The following CADPS variants were observed in gnomAD, a reference collection of about 807,000 sequenced individuals.
CADPS encodes the protein calcium-dependent secretion activator 1.
A neutral mutation model predicts 167.3 loss-of-function variants in CADPS; 57 were observed. The observed-to-expected ratio is 0.34, with a 90% CI of 0.28 to 0.42. CADPS has a LOEUF of 0.42. CADPS is among the 20% of genes least tolerant of loss of function. The pLI, the probability that CADPS is intolerant of heterozygous loss-of-function variation, is 1.00. For missense variants in CADPS, 1,414 were observed against 1,738.1 expected, an observed-to-expected ratio of 0.81 and a Z score of 3.32; for synonymous variants, 676 against 635.3, an observed-to-expected ratio of 1.06 and a Z score of -0.96.
chr3:62,637,891 G>C (rs755006667), intron 6 of CADPS, among the ~76,000 whole-genome samples: 2 of 152,008 alleles, frequency 1.3e-5, no homozygotes, highest in Non-Finnish European at 2.9e-5. Flanking sequence ...TAAATAAAAT[G>C]ATGACTGTGA....
intron 26 of CADPS, among the ~76,000 whole-genome samples, chr3:62,452,945 T>C (rs552145396): frequency 1.3e-5 from 2 of 151,746 alleles, no homozygotes; most frequent in East Asian, 3.9e-4. Flanking sequence ...GAGACCTCAG[T>C]TTCTACAAAA....
rs1162606599 is a variant in CADPS at position 62,466,359 on chromosome 3, T to C, written c.3532A>G (p.Ile1178Val). The C allele has an allele frequency of 1.2e-6, 2 of 1,611,736 alleles. No homozygotes were observed. Among genetic ancestry groups the C allele is most frequent in the East Asian group, 2.2e-5 (1 of 44,842 alleles). Reference sequence around the variant, plus strand: ...GTTACCTTTGCAACCAAGAGTGTTATCATTTCTTTAACAGTTTCTTCAATT... The same window carrying C: ...GTTACCTTTGCAACCAAGAGTGTTACCATTTCTTTAACAGTTTCTTCAATT... ...ELIEETVKEM[I>V]TLLVAKFVTI... Residue 1178 changes from isoleucine (I) to valine (V), a missense_variant, in exon 25 of 30, where the codon ATA (isoleucine) becomes GTA (valine). Around this residue, in one of 6 missense-constraint regions of CADPS, gnomAD observed 185 missense variants for 251.5 expected, o/e 0.74. Transcript: ENST00000383710.
At chr3:62,752,793 A>C (rs2082984671) in intron 3 of CADPS, among the ~76,000 whole-genome samples, 1 of 152,256 alleles carries the variant, frequency 6.6e-6, no homozygotes, top group Non-Finnish European at 1.5e-5. Flanking sequence ...ACTGCAAAAT[A>C]GGCACGTAAT....
chr3:62,727,287 T>C (rs1251702868), intron 3 of CADPS, among the ~76,000 whole-genome samples: 1 of 151,896 alleles, frequency 6.6e-6, no homozygotes, highest in Non-Finnish European at 1.5e-5. Context: ...TACTGTTACC[T>C]GCAACAATAT....
chr3:62,556,329 C>T (rs1468285590), intron 10 of CADPS, among the ~76,000 whole-genome samples: 4 of 152,196 alleles, frequency 2.6e-5, no homozygotes, highest in East Asian at 3.9e-4. Context: ...GAAGGGGTGG[C>T]GCTGGGCCCA....
intron 1 of CADPS, chr3:62,779,297 T>A: frequency 2.7e-6 from 1 of 373,824 alleles, no homozygotes; most frequent in Non-Finnish European, 5.4e-6. Flanking sequence ...AACTTCTGGG[T>A]TGCAGCCTTC....
intron 8 of CADPS, among the ~76,000 whole-genome samples, chr3:62,577,751 G>A (rs2082572434): frequency 6.6e-6 from 1 of 152,150 alleles, no homozygotes; most frequent in Admixed American, 6.5e-5. Context: ...TCTGCTTTAC[G>A]TTGAGCAAAA....
chr3:62,662,291 A>C, intron 4 of CADPS, 23 bp downstream of exon 4: 2 of 1,606,922 alleles, frequency 1.2e-6, no homozygotes, highest in Non-Finnish European at 1.7e-6. Flanking sequence ...GGACCCCAGC[A>C]AACAACCACA....
intron 1 of CADPS, among the ~76,000 whole-genome samples, chr3:62,773,649 T>C (rs2089506436): frequency 6.6e-6 from 1 of 152,192 alleles, no homozygotes; most frequent in East Asian, 1.9e-4. Flanking sequence ...ATCAAATCAC[T>C]TTCTTCTAAG....
At chr3:62,492,538 T>C in intron 19 of CADPS, 92 bp from the exon 20 acceptor site, 1 of 1,206,176 alleles carries the variant, frequency 8.3e-7, no homozygotes, top group Middle Eastern at 2.0e-4. Flanking sequence ...CTGTTCAAAA[T>C]TAATGGTGCA....
chr3:62,676,538 C>T (rs2175527), intron 3 of CADPS, among the ~76,000 whole-genome samples: 117,684 of 152,084 alleles, frequency 0.77, 45,791 homozygotes, highest in East Asian at 0.96. Context: ...TCTAAAAGTA[C>T]AGGGTTTGGG....
intron 1 of CADPS, among the ~76,000 whole-genome samples, chr3:62,785,159 TTAAAC>T (rs1399041599): frequency 6.6e-6 from 1 of 152,162 alleles, no homozygotes; most frequent in Non-Finnish European, 1.5e-5. Flanking sequence ...AGAGGGTTAG[TTAAAC>T]TAACCTCTCT....
intron 1 of CADPS, among the ~76,000 whole-genome samples, chr3:62,791,943 T>G (rs930992264): frequency 2.0e-5 from 3 of 152,170 alleles, no homozygotes; most frequent in African/African-American, 7.2e-5. Flanking sequence ...TGCTGTTGTT[T>G]TACTTATCAA....
At chr3:62,557,835 C>T (rs1577756419) in intron 9 of CADPS, among the ~76,000 whole-genome samples, 3 of 152,266 alleles carry the variant, frequency 2.0e-5, no homozygotes, top group Non-Finnish European at 2.9e-5. Flanking sequence ...ATCATTATTG[C>T]TTTTAATATA....
At chr3:62,456,610 C>T (rs1448221734) in intron 26 of CADPS, among the ~76,000 whole-genome samples, 1 of 152,030 alleles carries the variant, frequency 6.6e-6, no homozygotes, top group African/African-American at 2.4e-5. Context: ...TGTGATTGGT[C>T]TTGTTTAATG....
At chr3:62,743,696 C>T (rs184421639) in intron 3 of CADPS, among the ~76,000 whole-genome samples, 310 of 152,210 alleles carry the variant, frequency 2.0e-3, no homozygotes, top group Non-Finnish European at 2.5e-3. Context: ...AAAATTAAAT[C>T]AGGAAACACT....
At position 62,412,334 on chromosome 3, in the gene CADPS, CTA is replaced by C. The variant is rs1194111019; in HGVS notation, c.3778-9151_3778-9150del. 6.6e-6 allele frequency among the ~76,000 whole-genome samples: 1 copy of C among 151,970 alleles called. No individual in the cohort carries two copies. The highest frequency in any genetic ancestry group is 1.5e-5 in the Non-Finnish European group (1 of 67,992). On this transcript the variant is annotated intron_variant, in intron 28 of 29. Transcript: ENST00000383710. The surrounding 1 kb of genome is among the most constrained non-coding windows in gnomAD (Gnocchi z 4.1). The stretch of plus-strand genomic sequence containing the variant: ...AACGTGCTACAACCAGTTTCAGAGA[CTA>C]TGGCTTTCTATAACCTGCTGCTGAG...
At chr3:62,870,845 C>G (rs2082511883) in intron 1 of CADPS, among the ~76,000 whole-genome samples, 1 of 152,162 alleles carries the variant, frequency 6.6e-6, no homozygotes, top group South Asian at 2.1e-4. Flanking sequence ...CCACCCATCA[C>G]CGTTACTACA....
intron 3 of CADPS, among the ~76,000 whole-genome samples, chr3:62,744,356 T>C (rs1464889277): frequency 2.0e-5 from 3 of 148,844 alleles, no homozygotes; most frequent in African/African-American, 7.4e-5. Flanking sequence ...TATTCATATT[T>C]TCAAAAAAAA....
Sources: gnomAD v4.1 joint callset for allele counts (sites outside exome capture counted in the v4.1 genomes callset) on GRCh38, gnomAD v4.1.1 for gene constraint, gnomAD v4.1.1 regional missense constraint, Gnocchi (gnomAD v3.1) non-coding constraint, MANE v1.5 for transcripts, NCBI Gene and HGNC (gene_info 2026-07-23, HGNC 2026-07-21) for gene names.